The following CHD2 variants were observed in gnomAD, a reference collection of about 807,000 sequenced individuals.
CHD2 encodes the protein ATP-dependent chromatin remodeler CHD2.
CHD2 carries 28 observed loss-of-function variants against 243.9 expected under a neutral mutation model. The ratio of observed to expected loss-of-function variants is 0.11; its 90% CI spans 0.09 to 0.16. The LOEUF (loss-of-function observed/expected upper bound fraction) is 0.16. Among genes scored for constraint, CHD2 ranks in the 10% least tolerant of loss-of-function variants. The pLI is 1.00. For synonymous variants in CHD2, 775 were observed against 779.0 expected, an observed-to-expected ratio of 0.99 and a Z score of 0.09; for missense variants, 1,386 against 2,209.8, an observed-to-expected ratio of 0.63 and a Z score of 7.47.
chr15:92,983,209 G>A (rs1483283037), intron 24 of CHD2, among the ~76,000 whole-genome samples: 1 of 152,152 alleles, frequency 6.6e-6, no homozygotes, highest in Non-Finnish European at 1.5e-5. Context: ...CCATTGCACT[G>A]TTTCAGCTCA....
In CHD2 at chr15:92,998,893, C is replaced by CTA. The variant is rs1264989190; in HGVS notation, c.4008+273_4008+274dup. 1.3e-5 allele frequency among the ~76,000 whole-genome samples: 2 copies of CTA among 151,870 alleles called. No homozygotes were observed. Among genetic ancestry groups the CTA allele is most frequent in the African/African-American group, 4.8e-5 (2 of 41,328 alleles). ...GGTCAGGAGATTGAGACCATCCTGG[C>CTA]TAATATGGTGAAACCCCGTCTCTAC... On this transcript the variant is annotated intron_variant, in intron 31 of 38. Coordinates refer to ENST00000394196, the MANE Select transcript of CHD2 (RefSeq NM_001271.4). The surrounding 1 kb of genome is among the most constrained non-coding windows in gnomAD (Gnocchi z 5.1).
At chr15:92,987,605 A>G (rs1348507300) in intron 26 of CHD2, among the ~76,000 whole-genome samples, 2 of 99,448 alleles carry the variant, frequency 2.0e-5, no homozygotes, top group Non-Finnish European at 4.6e-5. Flanking sequence ...AAAACTCTCT[A>G]AAAGAAGAAG....
intron 28 of CHD2, 190 bp downstream of exon 28, chr15:92,993,188 A>G (rs182336303): frequency 1.3e-4 from 71 of 567,238 alleles, no homozygotes; most frequent in African/African-American, 1.2e-3. Flanking sequence ...AATGAAGTTG[A>G]TTTGCAGAAG....
At chr15:92,995,200 C>G (rs10520718) in intron 28 of CHD2, among the ~76,000 whole-genome samples, 54,943 of 152,004 alleles carry the variant, frequency 0.36, 11,103 homozygotes, top group East Asian at 0.8. Flanking sequence ...AAAGTTATTC[C>G]TTTCTCTGTG....
rs2052524504 is a variant in CHD2, at chr15:92,901,248, A to G, written c.11A>G (p.Asn4Ser). The G allele has an allele frequency of 2.5e-6, 4 of 1,597,062 alleles. No homozygotes were observed. In the Admixed American group the frequency reaches 5.0e-5, roughly 20 times the overall value. MMRNKDKSQEEDSS... is the reference protein window; with the variant it reads MMRSKDKSQEEDSS... ...TTTAAGAATTAAAAGATGATGAGAA[A>G]TAAGGACAAAAGCCAAGAGGAGGAC... The change falls in exon 2 of 39, where the codon AAT becomes AGT. Residue 4 changes from asparagine to serine, a missense_variant. Transcript: ENST00000394196.
intron 16 of CHD2, among the ~76,000 whole-genome samples, chr15:92,960,709 T>C (rs1387724314): frequency 2.2e-5 from 3 of 138,950 alleles, no homozygotes; most frequent in African/African-American, 7.9e-5. Context: ...TTTGGTGTTT[T>C]TTTTTTTTTT....
intron 2 of CHD2, among the ~76,000 whole-genome samples, chr15:92,917,613 G>C (rs1041251312): frequency 6.6e-6 from 1 of 152,188 alleles, no homozygotes; most frequent in Admixed American, 6.5e-5. Flanking sequence ...AGTCTTCTTT[G>C]CTTTTCCATC....
At chr15:93,015,151 T>C (rs2054442645) in intron 37 of CHD2, among the ~76,000 whole-genome samples, 1 of 152,158 alleles carries the variant, frequency 6.6e-6, no homozygotes, top group Non-Finnish European at 1.5e-5. Flanking sequence ...CAATCTCGGC[T>C]CACTGCAACC....
At chr15:92,902,235 C>G (rs1596360419) in intron 2 of CHD2, 1 of 397,824 alleles carries the variant, frequency 2.5e-6, no homozygotes. Context: ...AAATCATGAT[C>G]TGTTTCACAT....
At chr15:93,017,327 C>CTTTT (rs11416582) in intron 37 of CHD2, among the ~76,000 whole-genome samples, 1 of 148,264 alleles carries the variant, frequency 6.7e-6, no homozygotes, top group Non-Finnish European at 1.5e-5. Context: ...TTAAACACTT[C>CTTTT]TTTCTTTTTT....
In CHD2 at chr15:92,998,241, T is replaced by G; in HGVS notation, c.3886-258T>G. 1 of 1,172,948 alleles carries G rather than the reference T, an allele frequency of 8.5e-7. No homozygotes were observed. 72.7% of individuals were successfully genotyped at this position (1,172,948 alleles called of 1,614,324 possible). A position where few individuals can be genotyped will look rare whatever the true frequency, so the allele number is the denominator to read the frequency against. ...CACAAGCCCCTCCTACCTGAGTTGT[T>G]CTACCCTGTTAACAGCACAGGTAGG... On this transcript the variant is annotated intron_variant, in intron 30 of 38. Coordinates refer to ENST00000394196, the MANE Select transcript of CHD2 (RefSeq NM_001271.4). This position sits in a 1 kb window ranked among gnomAD's most constrained non-coding sequence, Gnocchi z 5.1.
At chr15:92,994,657 A>C (rs748616451) in intron 28 of CHD2, among the ~76,000 whole-genome samples, 11 of 152,232 alleles carry the variant, frequency 7.2e-5, no homozygotes, top group Non-Finnish European at 1.5e-4. Flanking sequence ...ACATGGCTTA[A>C]AACTGAAAAA....
chr15:92,991,773 A>G, intron 27 of CHD2: 1 of 347,620 alleles, frequency 2.9e-6, no homozygotes, highest in Non-Finnish European at 5.1e-6. Context: ...AGTATATTCA[A>G]AACCATAGTG....
rs761174697 is a variant in CHD2 at position 92,904,494 on chromosome 15, A to T, written c.62+3195A>T. On this transcript the variant is annotated intron_variant, in intron 2 of 38. Transcript: ENST00000394196. ...ACCCAGGGAGCCGCACGCCGAGGGG[A>T]AAAGGAAGGGAACTCTAGTTGGGAC... is the stretch of plus-strand genomic sequence containing the variant. The T allele has an allele frequency of 4.1e-5, 41 of 990,060 alleles. No homozygotes were observed. The Admixed American group carries it at 9.8e-4, about 24-fold the overall frequency. The allele number at this position is 990,060 out of a possible 1,614,324, so 61.3% of individuals were successfully genotyped here.
chr15:92,966,238 A>G (rs546065193), intron 16 of CHD2, among the ~76,000 whole-genome samples: 6 of 151,188 alleles, frequency 4.0e-5, no homozygotes, highest in African/African-American at 1.2e-4. Context: ...TAATTTTTGT[A>G]TTTTTAGTAG....
At chr15:92,925,816 A>G (rs2053049501) in intron 3 of CHD2, among the ~76,000 whole-genome samples, 2 of 152,188 alleles carry the variant, frequency 1.3e-5, no homozygotes, top group Admixed American at 6.5e-5. Flanking sequence ...ACTTTGGGTT[A>G]TGTGATTACA....
Position 92,967,584 on chromosome 15 carries a change from A to G in CHD2, c.2189+71A>G, listed in dbSNP as rs904584944. ...CATGAAACTATTAGATAGGAGATAT[A>G]TATATATACTTTTGTTTTTTTTTTT... On this transcript the variant is annotated intron_variant, in intron 17 of 38. Transcript: ENST00000394196. 1.5e-5 allele frequency: 15 copies of G among 1,004,782 alleles called. No homozygotes were observed. The African/African-American group carries it at 2.1e-4, about 14-fold the overall frequency. 62.2% of individuals were successfully genotyped at this position (1,004,782 alleles called of 1,614,324 possible). A position where few individuals can be genotyped will look rare whatever the true frequency, so the allele number is the denominator to read the frequency against.
chr15:92,973,254 C>T (rs2053865886), intron 19 of CHD2, among the ~76,000 whole-genome samples: 1 of 152,166 alleles, frequency 6.6e-6, no homozygotes, highest in African/African-American at 2.4e-5. Context: ...TTACTGTCTT[C>T]ACACAGTTAT....
At chr15:92,957,325 A>G (rs530649011) in intron 16 of CHD2, among the ~76,000 whole-genome samples, 171 of 152,326 alleles carry the variant, frequency 1.1e-3, no homozygotes, top group African/African-American at 4.0e-3. Context: ...CTTGACTAGA[A>G]TTATATTTCT....
Sources: allele counts gnomAD v4.1 joint callset (sites outside exome capture counted in the v4.1 genomes callset), GRCh38; gene constraint gnomAD v4.1.1; non-coding constraint Gnocchi (gnomAD v3.1); transcripts MANE v1.5; gene names NCBI Gene and HGNC (gene_info 2026-07-23, HGNC 2026-07-21).